Variants in RAB11FIP4 observed in about 807,000 individuals in gnomAD.
RAB11FIP4 encodes rab11 family-interacting protein 4.
RAB11FIP4 carries 23 observed loss-of-function variants against 74.3 expected under a neutral mutation model. The ratio of observed to expected loss-of-function variants is 0.31; its 90% CI spans 0.22 to 0.44. The LOEUF (loss-of-function observed/expected upper bound fraction) is 0.44, where lower values mean the gene tolerates loss of function less well. Ranked by LOEUF, RAB11FIP4 falls within the 20% of genes least tolerant of loss-of-function variation. The pLI is 1.00. For synonymous variants in RAB11FIP4, 360 were observed against 359.9 expected, an observed-to-expected ratio of 1.00 and a Z score of 0.00; for missense variants, 630 against 863.9, an observed-to-expected ratio of 0.73 and a Z score of 3.39.
At chr17:31,446,783 G>T (rs1369228567) in intron 3 of RAB11FIP4, among the ~76,000 whole-genome samples, 1 of 152,144 alleles carries the variant, frequency 6.6e-6, no homozygotes, top group African/African-American at 2.4e-5. Flanking sequence ...ACACCAGGGG[G>T]CATCTTCCTG....
intron 1 of RAB11FIP4, among the ~76,000 whole-genome samples, chr17:31,421,017 G>T (rs2071193965): frequency 6.6e-6 from 1 of 152,152 alleles, no homozygotes; most frequent in Non-Finnish European, 1.5e-5. Context: ...CCGGGAGGCA[G>T]AGGTTGCAGT....
In RAB11FIP4 at chr17:31,512,809, C is replaced by A. The variant is rs958305399; in HGVS notation, c.337-4842C>A. Among the ~76,000 whole-genome samples, 10 of 117,550 alleles carry A rather than the reference C, an allele frequency of 8.5e-5. No individual in the cohort carries two copies. The highest frequency in any genetic ancestry group is 3.4e-4 in the African/African-American group (9 of 26,846). The allele number at this position is 117,550 out of a possible 152,430, so 77.1% of individuals were successfully genotyped here. On this transcript the variant is annotated intron_variant, in intron 3 of 14. Transcript: ENST00000621161. The surrounding 1 kb of genome is among the most constrained non-coding windows in gnomAD (Gnocchi z 4.1). Reference sequence around the variant, plus strand: ...CTCCAGGCCTGGACATGTGTAGGGTCCCTGGGTGGTGACTGGACGGCCGTG... The same window carrying A: ...CTCCAGGCCTGGACATGTGTAGGGTACCTGGGTGGTGACTGGACGGCCGTG...
chr17:31,517,842 C>CG lies in RAB11FIP4; in HGVS notation c.533dup (p.Leu179ThrfsTer35), dbSNP rs1567688430. 6.4e-7 allele frequency: 1 copy of CG among 1,551,622 alleles called. No homozygotes were observed. Among genetic ancestry groups the CG allele is most frequent in the Non-Finnish European group, 8.7e-7 (1 of 1,147,014 alleles). On this transcript the variant is annotated frameshift_variant, in exon 4 of 15. Coordinates refer to ENST00000621161, the MANE Select transcript of RAB11FIP4 (RefSeq NM_032932.6). LOFTEE classifies it high-confidence loss of function. ...CTGTCGGGAGTCCTGCCGAGAAGGA[C>CG]GGGGGACTTGGGGGCCTGTTTCTGC...
rs2072670156 is a variant in RAB11FIP4, at chr17:31,521,780, T to G, written c.759-135T>G. ...GGAGAAGGGATGATCTGTTGCTATATTTCCACTCCCTGCCCCTCCCCCGTA... is the reference window on the plus strand; with the variant it reads ...GGAGAAGGGATGATCTGTTGCTATAGTTCCACTCCCTGCCCCTCCCCCGTA... On this transcript the variant is annotated intron_variant, in intron 5 of 14. Transcript: ENST00000621161. 3 of 978,388 alleles carry G rather than the reference T, an allele frequency of 3.1e-6. No homozygotes were observed. In the Admixed American group the frequency reaches 7.4e-5, roughly 24 times the overall value. The allele number at this position is 978,388 out of a possible 1,614,324, so 60.6% of individuals were successfully genotyped here.
At chr17:31,439,000 C>G (rs934405691) in intron 3 of RAB11FIP4, among the ~76,000 whole-genome samples, 1 of 152,186 alleles carries the variant, frequency 6.6e-6, no homozygotes. Flanking sequence ...CTCCCTGACT[C>G]CTTCTGCCCC....
intron 3 of RAB11FIP4, among the ~76,000 whole-genome samples, chr17:31,505,591 A>AT: frequency 1.4e-5 from 1 of 72,766 alleles, no homozygotes; most frequent in African/African-American, 5.4e-5. Flanking sequence ...AATAATAATT[A>AT]TATATTATAT....
chr17:31,514,387 C>T (rs1013496798), intron 3 of RAB11FIP4, among the ~76,000 whole-genome samples: 8 of 152,228 alleles, frequency 5.3e-5, no homozygotes, highest in Admixed American at 2.0e-4. Context: ...GCACTGGGCC[C>T]TCTGCCTGCC....
intron 3 of RAB11FIP4, among the ~76,000 whole-genome samples, chr17:31,483,212 AAAAAAAAAGT>A (rs2071867917): frequency 6.6e-6 from 1 of 151,342 alleles, no homozygotes. Flanking sequence ...AAAAAAAAAA[AAAAAAAAAGT>A]AAAGAAAGAA....
intron 3 of RAB11FIP4, among the ~76,000 whole-genome samples, chr17:31,453,788 G>A (rs1448150119): frequency 2.3e-4 from 27 of 115,650 alleles, no homozygotes; most frequent in African/African-American, 8.1e-4. Context: ...CACAAGACTC[G>A]TCTCAAAAAA....
rs896625257 is a variant in RAB11FIP4, at chr17:31,532,424, C to G, written c.*692C>G. Reference sequence around the variant, plus strand: ...TACCTATAGAGTTCGTGCACTCCCCCATCCATGCTACCTACCTCCCCGTTT... The same window carrying G: ...TACCTATAGAGTTCGTGCACTCCCCGATCCATGCTACCTACCTCCCCGTTT... On this transcript the variant is annotated 3_prime_UTR_variant, in exon 15 of 15. Coordinates refer to ENST00000621161, the MANE Select transcript of RAB11FIP4 (RefSeq NM_032932.6). 2.0e-5 allele frequency: 3 copies of G among 152,744 alleles called. No homozygotes were observed. Among genetic ancestry groups the G allele is most frequent in the African/African-American group, 4.8e-5 (2 of 41,444 alleles). 9.5% of individuals were successfully genotyped at this position (152,744 alleles called of 1,614,324 possible). A position where few individuals can be genotyped will look rare whatever the true frequency, so the allele number is the denominator to read the frequency against.
At chr17:31,413,601 C>T (rs572455667) in intron 1 of RAB11FIP4, among the ~76,000 whole-genome samples, 7 of 151,966 alleles carry the variant, frequency 4.6e-5, no homozygotes, top group African/African-American at 1.2e-4. Context: ...ACCAACGCCC[C>T]GCTTCTTGAA....
At chr17:31,522,139 T>A in intron 6 of RAB11FIP4, 90 bp downstream of exon 6, 1 of 1,544,306 alleles carries the variant, frequency 6.5e-7, no homozygotes, top group South Asian at 1.1e-5. Context: ...AGGCGACCCC[T>A]GCTGTCTGGG....
intron 1 of RAB11FIP4, among the ~76,000 whole-genome samples, chr17:31,415,383 G>A (rs924818184): frequency 3.3e-5 from 5 of 152,272 alleles, no homozygotes; most frequent in Admixed American, 6.5e-5. Flanking sequence ...TAAAAGGCTC[G>A]GAAGAGAGGT....
intron 4 of RAB11FIP4, 65 bp from the exon 5 acceptor site, chr17:31,521,101 C>G: frequency 7.6e-7 from 1 of 1,307,528 alleles, no homozygotes; most frequent in Non-Finnish European, 1.0e-6. Flanking sequence ...GTCAGTTTCC[C>G]CACCACGGGC....
chr17:31,424,289 G>A (rs1040728723), intron 1 of RAB11FIP4, among the ~76,000 whole-genome samples: 6 of 152,154 alleles, frequency 3.9e-5, no homozygotes, highest in Non-Finnish European at 4.4e-5. Context: ...GGGAAAGCTA[G>A]ACTGTAGTGT....
At chr17:31,484,063 G>T (rs1170211772) in intron 3 of RAB11FIP4, among the ~76,000 whole-genome samples, 1 of 140,092 alleles carries the variant, frequency 7.1e-6, no homozygotes, top group African/African-American at 2.7e-5. Context: ...AACAGAGCAA[G>T]ATCTTATCTT....
intron 3 of RAB11FIP4, among the ~76,000 whole-genome samples, chr17:31,491,845 G>A (rs1448454936): frequency 6.6e-6 from 1 of 152,212 alleles, no homozygotes; most frequent in African/African-American, 2.4e-5. Flanking sequence ...GGCATTTCTG[G>A]AGGACAGGCT....
At chr17:31,489,437 T>TC (rs1266979314) in intron 3 of RAB11FIP4, among the ~76,000 whole-genome samples, 1 of 151,712 alleles carries the variant, frequency 6.6e-6, no homozygotes, top group Non-Finnish European at 1.5e-5. Flanking sequence ...CCCCATATCC[T>TC]CCCCCCACCA....
intron 3 of RAB11FIP4, among the ~76,000 whole-genome samples, chr17:31,437,823 A>G (rs1214739776): frequency 6.6e-6 from 1 of 152,068 alleles, no homozygotes; most frequent in Non-Finnish European, 1.5e-5. Flanking sequence ...AGCGTTGGGC[A>G]TCAAGCAGGG....
Sources: allele counts gnomAD v4.1 joint callset (sites outside exome capture counted in the v4.1 genomes callset), GRCh38; gene constraint gnomAD v4.1.1; non-coding constraint Gnocchi (gnomAD v3.1); transcripts MANE v1.5; gene names NCBI Gene and HGNC (gene_info 2026-07-23, HGNC 2026-07-21).